The following ITGA1 variants were observed in gnomAD, a reference collection of about 807,000 sequenced individuals.
ITGA1 encodes integrin subunit alpha 1.
Under a neutral mutation model 145.9 loss-of-function variants are expected in ITGA1, and 85 were observed. That is an observed-to-expected ratio of 0.58 (90% CI 0.49 to 0.70). The LOEUF (loss-of-function observed/expected upper bound fraction) is 0.70, where lower values mean the gene tolerates loss of function less well. ITGA1 is among the 30% of genes least tolerant of loss of function. The pLI is 0.00. For missense variants in ITGA1, 1,351 were observed against 1,418.7 expected (o/e 0.95, Z 0.77); for synonymous variants, 520 against 495.3 (o/e 1.05, Z -0.66).
At chr5:52,895,003 A>G (rs1395827864) in intron 9 of ITGA1, among the ~76,000 whole-genome samples, 1 of 152,166 alleles carries the variant, frequency 6.6e-6, no homozygotes, top group Non-Finnish European at 1.5e-5. Flanking sequence ...ACATAAATAT[A>G]TACATATAAA....
chr5:52,923,785 T>C (rs984245987), intron 18 of ITGA1, among the ~76,000 whole-genome samples: 7 of 152,124 alleles, frequency 4.6e-5, no homozygotes, highest in African/African-American at 1.7e-4. Context: ...TGGATTGCAG[T>C]GTATGGTTTA....
rs376461166 is a variant in ITGA1 at position 52,937,498 on chromosome 5, G to A, written c.3062G>A (p.Gly1021Glu). 36 of 1,603,590 alleles carry A rather than the reference G, an allele frequency of 2.2e-5. No homozygotes were observed. Among genetic ancestry groups the A allele is most frequent in the South Asian group, 4.4e-5 (4 of 90,812 alleles). The change falls in exon 24 of 29, where the codon GGA becomes GAA. Residue 1021 changes from glycine (G) to glutamate (E), a missense_variant. Coordinates refer to ENST00000282588, the MANE Select transcript of ITGA1 (RefSeq NM_181501.2). Reference protein sequence around the residue: ...SNGYPVLYPTGLSSSENANCR... With the variant: ...SNGYPVLYPTELSSSENANCR... ...GGTTACCCTGTGCTGTACCCAACTG[G>A]ATTGTCATCTTCTGAGGTAAGTCAT...
chr5:52,950,458 A>G (rs1473324224), intron 28 of ITGA1, among the ~76,000 whole-genome samples: 3 of 152,204 alleles, frequency 2.0e-5, no homozygotes, highest in African/African-American at 4.8e-5. Flanking sequence ...TCTGACAGTT[A>G]TCACCTCATT....
intron 3 of ITGA1, 104 bp downstream of exon 3, chr5:52,861,663 G>A (rs1749606573): frequency 1.4e-6 from 1 of 705,730 alleles, no homozygotes. Flanking sequence ...TTGAGCCCAG[G>A]AGTTTGAGAC....
At chr5:52,919,858 A>G (rs1446764185) in intron 16 of ITGA1, among the ~76,000 whole-genome samples, 2 of 152,160 alleles carry the variant, frequency 1.3e-5, no homozygotes, top group Non-Finnish European at 2.9e-5. Context: ...GTTTGACCAT[A>G]AGCTGAGATA....
intron 14 of ITGA1, among the ~76,000 whole-genome samples, chr5:52,910,784 T>C (rs1750496634): frequency 6.9e-6 from 1 of 145,618 alleles, no homozygotes; most frequent in Non-Finnish European, 1.5e-5. Flanking sequence ...ACACACTATA[T>C]ATACAAATAG....
intron 1 of ITGA1, among the ~76,000 whole-genome samples, chr5:52,820,460 C>T (rs1363078079): frequency 1.4e-5 from 2 of 147,888 alleles, no homozygotes; most frequent in Non-Finnish European, 3.0e-5. Context: ...CAACATGGCA[C>T]ATGTATACAT....
intron 6 of ITGA1, among the ~76,000 whole-genome samples, chr5:52,870,862 A>C (rs1229994910): frequency 2.6e-5 from 4 of 152,206 alleles, no homozygotes; most frequent in Non-Finnish European, 5.9e-5. Flanking sequence ...ACTCAGGGCA[A>C]GGGTGTAGGT....
chr5:52,873,877 T>C (rs1749823882), intron 6 of ITGA1, among the ~76,000 whole-genome samples: 1 of 152,140 alleles, frequency 6.6e-6, no homozygotes, highest in East Asian at 1.9e-4. Context: ...GCCCAGAAAC[T>C]TAGCTTATGC....
At chr5:52,841,186 A>T (rs563734148) in intron 1 of ITGA1, among the ~76,000 whole-genome samples, 164 of 152,322 alleles carry the variant, frequency 1.1e-3, no homozygotes, top group Middle Eastern at 3.4e-3. Flanking sequence ...AATTTTAGTA[A>T]GATTTCTTGA....
At chr5:52,926,422 G>C (rs1217129965) in intron 19 of ITGA1, among the ~76,000 whole-genome samples, 1 of 152,028 alleles carries the variant, frequency 6.6e-6, no homozygotes, top group East Asian at 1.9e-4. Context: ...CTAACACGGT[G>C]AAACCCCCTC....
At chr5:52,867,388 TA>T (rs1303952268) in intron 6 of ITGA1, among the ~76,000 whole-genome samples, 4 of 152,162 alleles carry the variant, frequency 2.6e-5, no homozygotes, top group Non-Finnish European at 5.9e-5. Flanking sequence ...GTAAAATCAT[TA>T]AAAATGAAAT....
intron 1 of ITGA1, chr5:52,800,125 A>G (rs994420488): frequency 1.7e-5 from 7 of 422,738 alleles, no homozygotes; most frequent in East Asian, 4.6e-5. Context: ...GCGTGCTGCC[A>G]GCGGGAACTG....
At chr5:52,868,921 G>C (rs902513151) in intron 6 of ITGA1, among the ~76,000 whole-genome samples, 2 of 152,122 alleles carry the variant, frequency 1.3e-5, no homozygotes, top group Non-Finnish European at 2.9e-5. Flanking sequence ...ATGTACTAAG[G>C]GCTTACTATG....
chr5:52,826,704 C>T (rs191503035), intron 1 of ITGA1, among the ~76,000 whole-genome samples: 7 of 152,328 alleles, frequency 4.6e-5, no homozygotes, highest in Non-Finnish European at 5.9e-5. Flanking sequence ...AATCTACCTA[C>T]ACTCTATAAA....
intron 11 of ITGA1, among the ~76,000 whole-genome samples, chr5:52,899,211 A>G (rs1181567194): frequency 6.6e-6 from 1 of 152,204 alleles, no homozygotes; most frequent in African/African-American, 2.4e-5. Flanking sequence ...AAGCATTCAC[A>G]GCTTCACGTG....
intron 1 of ITGA1, among the ~76,000 whole-genome samples, chr5:52,827,818 C>A (rs1374141650): frequency 6.6e-6 from 1 of 152,136 alleles, no homozygotes; most frequent in Non-Finnish European, 1.5e-5. Flanking sequence ...CTAAGGTATG[C>A]ATATTGTTTT....
In ITGA1 at chr5:52,954,201, T is replaced by C. The variant is rs1382289389; in HGVS notation, c.*1750T>C. On this transcript the variant is annotated 3_prime_UTR_variant, in exon 29 of 29. Transcript: ENST00000282588. ...TCGCTATTTCCAGGTTCAGAAATCA[T>C]ACCTACCACTTGTTCTTTCTTTGCC... 1 of 152,218 alleles carries C rather than the reference T, an allele frequency of 6.6e-6. No homozygotes were observed. Among genetic ancestry groups the C allele is most frequent in the Admixed American group, 6.5e-5 (1 of 15,278 alleles). 9.4% of individuals were successfully genotyped at this position (152,218 alleles called of 1,614,324 possible).
chr5:52,791,261 A>G (rs1748232906), intron 1 of ITGA1, among the ~76,000 whole-genome samples: 1 of 152,212 alleles, frequency 6.6e-6, no homozygotes, highest in Non-Finnish European at 1.5e-5. Context: ...ACAAGAAAAG[A>G]GGGTGGAGCA....
Sources: allele counts gnomAD v4.1 joint callset (sites outside exome capture counted in the v4.1 genomes callset), GRCh38; gene constraint gnomAD v4.1.1; transcripts MANE v1.5; gene names NCBI Gene and HGNC (gene_info 2026-07-23, HGNC 2026-07-21).